Variants in CCDC7 observed in about 807,000 individuals in gnomAD.
CCDC7 encodes coiled-coil domain-containing protein 7.
Under a neutral mutation model 196.9 loss-of-function variants are expected in CCDC7, and 183 were observed. The ratio of observed to expected loss-of-function variants is 0.93; its 90% CI spans 0.82 to 1.05. The LOEUF (loss-of-function observed/expected upper bound fraction) is 1.05. Ranked by LOEUF, CCDC7 falls within the 50% of genes least tolerant of loss-of-function variation. The pLI is 0.00. For missense variants in CCDC7, 1,540 were observed against 1,482.2 expected (o/e 1.04, Z -0.64); for synonymous variants, 525 against 484.6 (o/e 1.08, Z -1.10).
chr10:32,579,558 C>T (rs766222067), intron 16 of CCDC7, among the ~76,000 whole-genome samples: 5 of 152,166 alleles, frequency 3.3e-5, no homozygotes. Context: ...TTCCCCAAGA[C>T]TACTGCCCTC....
At chr10:32,700,130 A>T (rs2078427837) in intron 24 of CCDC7, among the ~76,000 whole-genome samples, 1 of 149,590 alleles carries the variant, frequency 6.7e-6, no homozygotes, top group South Asian at 2.1e-4. Flanking sequence ...GTCCTTGCCC[A>T]TGCCTATGTC....
chr10:32,752,497 T>A (rs191825045), intron 28 of CCDC7, among the ~76,000 whole-genome samples: 1 of 152,280 alleles, frequency 6.6e-6, no homozygotes, highest in African/African-American at 2.4e-5. Flanking sequence ...GAGTCTTAGT[T>A]GTACTCCTCA....
chr10:32,652,572 T>C (rs969549679), intron 20 of CCDC7, among the ~76,000 whole-genome samples: 1 of 152,172 alleles, frequency 6.6e-6, no homozygotes, highest in Non-Finnish European at 1.5e-5. Flanking sequence ...ATATCTATTA[T>C]AGGTTTTCAC....
At chr10:32,712,526 A>T (rs753505567) in intron 25 of CCDC7, among the ~76,000 whole-genome samples, 4 of 152,156 alleles carry the variant, frequency 2.6e-5, no homozygotes, top group Non-Finnish European at 5.9e-5. Flanking sequence ...CACTAGGATG[A>T]TTTCATAAAC....
At chr10:32,643,166 C>T (rs1038433599) in intron 20 of CCDC7, among the ~76,000 whole-genome samples, 1 of 152,004 alleles carries the variant, frequency 6.6e-6, no homozygotes, top group Non-Finnish European at 1.5e-5. Flanking sequence ...GTAGTTTTGT[C>T]TTCTTTTTAA....
chr10:32,646,480 A>C (rs2067790234), intron 20 of CCDC7, among the ~76,000 whole-genome samples: 1 of 152,210 alleles, frequency 6.6e-6, no homozygotes, highest in Admixed American at 6.5e-5. Context: ...GCTATGGTGA[A>C]GAATGTATAT....
At chr10:32,707,918 T>G (rs998875342) in intron 24 of CCDC7, among the ~76,000 whole-genome samples, 2 of 152,218 alleles carry the variant, frequency 1.3e-5, no homozygotes, top group African/African-American at 4.8e-5. Flanking sequence ...ATAGATTCAA[T>G]GCCATCCCCA....
chr10:32,502,246 T>C (rs1471851723), intron 9 of CCDC7, among the ~76,000 whole-genome samples: 1 of 152,170 alleles, frequency 6.6e-6, no homozygotes, highest in African/African-American at 2.4e-5. Flanking sequence ...AAAAGTGCAG[T>C]GTCTGGGCCA....
chr10:32,461,729 ATG>A (rs548019149), intron 3 of CCDC7, among the ~76,000 whole-genome samples: 45,342 of 82,688 alleles, frequency 0.55, 11,876 homozygotes, highest in Non-Finnish European at 0.63. Context: ...ATATATATAT[ATG>A]TATATATATA....
At chr10:32,849,292 T>G (rs145912539) in intron 39 of CCDC7, among the ~76,000 whole-genome samples, 3 of 152,132 alleles carry the variant, frequency 2.0e-5, no homozygotes, top group Admixed American at 6.6e-5. Flanking sequence ...GGCTAACTTA[T>G]GCATTTCTGG....
rs530881824 is a variant in CCDC7 at position 32,546,395 on chromosome 10, A to G, written c.1134+2094A>G. On this transcript the variant is annotated intron_variant, in intron 13 of 41. Transcript: ENST00000639629. ...AAATATCTGTGGAGTGTGGTATCAGAAAAGGCAGAGCCTTTGTTTTATCTA... is the reference window on the plus strand; with the variant it reads ...AAATATCTGTGGAGTGTGGTATCAGGAAAGGCAGAGCCTTTGTTTTATCTA... Among the ~76,000 whole-genome samples the G allele has an allele frequency of 3.2e-4, 48 of 152,372 alleles. No homozygotes were observed. The South Asian group carries it at 6.0e-3, about 19-fold the overall frequency.
At chr10:32,770,979 T>C (rs184208383) in intron 28 of CCDC7, among the ~76,000 whole-genome samples, 150 of 152,322 alleles carry the variant, frequency 9.8e-4, no homozygotes, top group Admixed American at 2.9e-3. Context: ...TATGAATCCT[T>C]CTATGTTAGG....
chr10:32,774,146 A>G (rs2079588840), intron 28 of CCDC7, among the ~76,000 whole-genome samples: 1 of 152,238 alleles, frequency 6.6e-6, no homozygotes, highest in African/African-American at 2.4e-5. Context: ...TGGGAAATCC[A>G]GCCAGGAATT....
intron 19 of CCDC7, 150 bp downstream of exon 20, chr10:32,634,514 A>G: frequency 3.1e-6 from 1 of 321,250 alleles, no homozygotes; most frequent in Non-Finnish European, 5.6e-6. Context: ...CTCCTGCCCC[A>G]GACTCCCGAG....
intron 20 of CCDC7, among the ~76,000 whole-genome samples, chr10:32,659,268 C>G (rs138918314): frequency 6.6e-6 from 1 of 151,966 alleles, no homozygotes; most frequent in Admixed American, 6.5e-5. Flanking sequence ...TTTGATTTTC[C>G]TTTTTATTTT....
intron 29 of CCDC7, among the ~76,000 whole-genome samples, chr10:32,790,758 A>G (rs1433212728): frequency 6.6e-6 from 1 of 152,172 alleles, no homozygotes; most frequent in African/African-American, 2.4e-5. Flanking sequence ...GAGCCAAGCT[A>G]CTGAAGAGTG....
chr10:32,559,093 A>G, intron 13 of CCDC7, among the ~76,000 whole-genome samples: 1 of 152,234 alleles, frequency 6.6e-6, no homozygotes, highest in Admixed American at 6.5e-5. Context: ...ATCAAACTGC[A>G]AGGCGGCAGC....
intron 9 of CCDC7, among the ~76,000 whole-genome samples, chr10:32,492,504 TG>T (rs1202399136): frequency 1.3e-5 from 2 of 152,104 alleles, no homozygotes; most frequent in African/African-American, 4.8e-5. Flanking sequence ...AAATTATTAT[TG>T]AGTCTTAAAG....
At chr10:32,642,066 G>A (rs2066906310) in intron 20 of CCDC7, among the ~76,000 whole-genome samples, 1 of 152,182 alleles carries the variant, frequency 6.6e-6, no homozygotes. Flanking sequence ...GCCCCTACTG[G>A]GGGGTGCCTC....
Sources: gnomAD v4.1 joint callset for allele counts (sites outside exome capture counted in the v4.1 genomes callset) on GRCh38, gnomAD v4.1.1 for gene constraint, MANE v1.5 for transcripts, NCBI Gene and HGNC (gene_info 2026-07-23, HGNC 2026-07-21) for gene names.